MTMR9: variants seen among roughly 807,000 people sequenced by gnomAD.
MTMR9 encodes the protein myotubularin-related protein 9.
MTMR9 carries 39 observed loss-of-function variants against 69.5 expected under a neutral mutation model. The observed-to-expected ratio is 0.56, with a 90% CI of 0.43 to 0.73. The LOEUF (loss-of-function observed/expected upper bound fraction) is 0.73, where lower values mean the gene tolerates loss of function less well. Ranked by LOEUF, MTMR9 falls within the 30% of genes least tolerant of loss-of-function variation. The pLI, the probability that MTMR9 is intolerant of heterozygous loss-of-function variation, is 0.00. For missense variants in MTMR9, 900 were observed against 671.2 expected, an observed-to-expected ratio of 1.34 and a Z score of -3.77; for synonymous variants, 354 against 240.8, an observed-to-expected ratio of 1.47 and a Z score of -4.35.
intron 1 of MTMR9, among the ~76,000 whole-genome samples, chr8:11,288,998 C>G (rs1348989509): frequency 1.3e-5 from 2 of 152,170 alleles, no homozygotes; most frequent in East Asian, 3.9e-4. Flanking sequence ...ATGGTGAAAC[C>G]TCATCTCTAC....
chr8:11,336,495 A>C, the MTMR9 span, among the ~76,000 whole-genome samples: 2 of 152,220 alleles, frequency 1.3e-5, no homozygotes, highest in Non-Finnish European at 2.9e-5. Flanking sequence ...AGGTGTATTT[A>C]AAATACTTCT....
downstream of MTMR9, chr8:11,331,418 C>T (rs1223321476): frequency 1.9e-6 from 3 of 1,613,970 alleles, no homozygotes; most frequent in Non-Finnish European, 2.5e-6. Flanking sequence ...GAGGCTGGGC[C>T]TGCTTCTGTG....
At chr8:11,312,135 C>G (rs1800225739) in intron 6 of MTMR9, among the ~76,000 whole-genome samples, 1 of 151,994 alleles carries the variant, frequency 6.6e-6, no homozygotes, top group South Asian at 2.1e-4. Flanking sequence ...GCCTAGAACT[C>G]CTGGGCTCAA....
chr8:11,289,581 T>G (rs1265360260), intron 1 of MTMR9, among the ~76,000 whole-genome samples: 1 of 152,104 alleles, frequency 6.6e-6, no homozygotes, highest in East Asian at 1.9e-4. Context: ...TTTCCTCTGT[T>G]GTTGATTTTC....
downstream of MTMR9, among the ~76,000 whole-genome samples, chr8:11,330,028 C>T (rs1801138860): frequency 1.4e-5 from 2 of 145,878 alleles, no homozygotes; most frequent in Admixed American, 6.7e-5. Context: ...AAGTGAGGAG[C>T]ACCCCGCCCG....
chr8:11,328,259 A>C (rs1219891271), downstream of MTMR9: 1 of 152,054 alleles, frequency 6.6e-6, no homozygotes, highest in Non-Finnish European at 1.5e-5. Context: ...GATCTGCAAA[A>C]AGGCTGCAAA....
intron 5 of MTMR9, among the ~76,000 whole-genome samples, chr8:11,308,531 T>G (rs1461510307): frequency 6.6e-6 from 1 of 152,236 alleles, no homozygotes; most frequent in Non-Finnish European, 1.5e-5. Flanking sequence ...TTACTCATTA[T>G]TGGTCTGTTC....
At chr8:11,320,038 A>C in intron 9 of MTMR9, 200 bp downstream of exon 9, 1 of 504,382 alleles carries the variant, frequency 2.0e-6, no homozygotes, top group Non-Finnish European at 3.4e-6. Flanking sequence ...TTCAGTTACC[A>C]TTGAGAAATT....
intron 3 of MTMR9, 122 bp from the exon 4 acceptor site, chr8:11,304,718 GA>G (rs1243011213): frequency 1.2e-4 from 119 of 966,324 alleles, no homozygotes; most frequent in Non-Finnish European, 1.7e-4. Context: ...ATCCACCTGT[GA>G]AATTCCTGAG....
At chr8:11,331,812 C>A (rs568560257), downstream of MTMR9, 1 of 1,611,922 alleles carries the variant, frequency 6.2e-7, no homozygotes, top group Non-Finnish European at 8.5e-7. Flanking sequence ...GGGCTGTGTG[C>A]CAGGCCTCTT....
Position 11,316,787 on chromosome 8 carries a change from C to G in MTMR9, c.1228C>G (p.Gln410Glu), listed in dbSNP as rs144892652. ...FLDCVWQILR[Q>E]FPCSFEFNEN... The stretch of plus-strand genomic sequence containing the variant: ...GGACTGCGTGTGGCAGATCCTTCGT[C>G]AGTTTCCCTGTTCTTTTGAGTTTAA... Residue 410 changes from glutamine to glutamate, a missense_variant, in exon 8 of 10, where the codon CAG becomes GAG. Coordinates refer to ENST00000221086, the MANE Select transcript of MTMR9 (RefSeq NM_015458.4). 1 of 1,613,842 alleles carries G rather than the reference C, an allele frequency of 6.2e-7. No homozygotes were observed. Among genetic ancestry groups the G allele is most frequent in the African/African-American group, 1.3e-5 (1 of 74,860 alleles).
chr8:11,329,393 C>G (rs141385034), downstream of MTMR9, among the ~76,000 whole-genome samples: 1 of 152,234 alleles, frequency 6.6e-6, no homozygotes, highest in Non-Finnish European at 1.5e-5. Flanking sequence ...GCTGCCATCT[C>G]GGCTCACTGC....
chr8:11,286,439 C>T (rs1486455055), intron 1 of MTMR9, among the ~76,000 whole-genome samples: 5 of 151,284 alleles, frequency 3.3e-5, no homozygotes, highest in African/African-American at 1.2e-4. Flanking sequence ...CCAAGGTGAG[C>T]GGATCACCTG....
At chr8:11,287,900 A>C (rs1190486092) in intron 1 of MTMR9, among the ~76,000 whole-genome samples, 1 of 127,606 alleles carries the variant, frequency 7.8e-6, no homozygotes, top group East Asian at 2.1e-4. Context: ...TACGTATTAT[A>C]TATAACATAA....
chr8:11,328,153 G>A (rs1386473382), downstream of MTMR9: 2 of 113,180 alleles, frequency 1.8e-5, no homozygotes, highest in East Asian at 8.6e-4. Flanking sequence ...TAAATCTGTG[G>A]GCTTATTTGA....
intron 3 of MTMR9, among the ~76,000 whole-genome samples, chr8:11,301,159 A>G (rs1383712695): frequency 6.6e-6 from 1 of 152,212 alleles, no homozygotes; most frequent in Non-Finnish European, 1.5e-5. Context: ...GTGTTTTTGT[A>G]GAAATGGACA....
intron 2 of MTMR9, chr8:11,298,762 A>G: frequency 1.0e-6 from 1 of 971,282 alleles, no homozygotes; most frequent in Non-Finnish European, 1.2e-6. Flanking sequence ...TTTTTCCATA[A>G]TCCCCCTGTG....
rs1313907201 is a variant in MTMR9 at position 11,323,107 on chromosome 8, C to T, written c.*319C>T. The stretch of plus-strand genomic sequence containing the variant: ...TTTATCCAAAGCTTTTTCTCTGTGT[C>T]CACTCTCCAAACAGCATTCTAGAGC... On this transcript the variant is annotated 3_prime_UTR_variant, in exon 10 of 10. Transcript: ENST00000221086. 5.2e-6 allele frequency: 1 copy of T among 192,472 alleles called. No individual in the cohort carries two copies. Among genetic ancestry groups the T allele is most frequent in the Admixed American group, 5.9e-5 (1 of 16,934 alleles). 11.9% of individuals were successfully genotyped at this position (192,472 alleles called of 1,614,324 possible).
intron 1 of MTMR9, 66 bp from the exon 2 acceptor site, chr8:11,295,128 G>T (rs1799505201): frequency 1.2e-6 from 1 of 843,612 alleles, no homozygotes; most frequent in South Asian, 1.7e-5. Flanking sequence ...TCTTTTCAAA[G>T]AAATAATAAT....
Sources: gnomAD v4.1 joint callset for allele counts (sites outside exome capture counted in the v4.1 genomes callset) on GRCh38, gnomAD v4.1.1 for gene constraint, MANE v1.5 for transcripts, NCBI Gene and HGNC (gene_info 2026-07-23, HGNC 2026-07-21) for gene names.